PLAAT1: variants seen among roughly 807,000 people sequenced by gnomAD.
PLAAT1 encodes H-REV107 protein-related protein.
A neutral mutation model predicts 16.4 loss-of-function variants in PLAAT1; 13 were observed. That is an observed-to-expected ratio of 0.79 (90% CI 0.52 to 1.26). The LOEUF (loss-of-function observed/expected upper bound fraction) is 1.26. Among genes scored for constraint, PLAAT1 ranks in the 50% most tolerant of loss-of-function variants. The pLI is 0.00. For missense variants in PLAAT1, 218 were observed against 207.8 expected (o/e 1.05, Z -0.30); for synonymous variants, 73 against 78.4 (o/e 0.93, Z 0.36).
At position 193,241,500 on chromosome 3, in the gene PLAAT1, C is replaced by T. The variant is rs188693944; in HGVS notation, c.-34C>T. On this transcript the variant is annotated 5_prime_UTR_variant, in exon 1 of 4. Transcript: ENST00000264735. ...CCCCAGGACACACACAGCTGCCTCC[C>T]GGTGCGAGAAGAAGACCCCGGCTTG... 4 of 1,231,910 alleles carry T rather than the reference C, an allele frequency of 3.2e-6. No homozygotes were observed. The East Asian group carries it at 9.5e-5, about 29-fold the overall frequency. 76.3% of individuals were successfully genotyped at this position (1,231,910 alleles called of 1,614,324 possible).
At chr3:193,274,750 C>T, downstream of PLAAT1, 1 of 406,704 alleles carries the variant, frequency 2.5e-6, no homozygotes, top group Non-Finnish European at 4.3e-6. Flanking sequence ...ACTAATTTGA[C>T]TACAGTACCA....
At position 193,263,202 on chromosome 3, in the gene PLAAT1, AT is replaced by A. The variant is rs1475274183; in HGVS notation, c.374del (p.Leu125CysfsTer16). ...LVNNCEHFVT[L>X]LRYGEGVSEQ... ...TCAACAACTGTGAACATTTTGTGAC[AT>A]TGCTTCGCTATGGAGAAGGAGTTTC... On this transcript the variant is annotated frameshift_variant, in exon 3 of 4. Coordinates refer to ENST00000264735, the MANE Select transcript of PLAAT1 (RefSeq NM_020386.5). LOFTEE classifies it high-confidence loss of function. The A allele has an allele frequency of 6.2e-7, 1 of 1,614,072 alleles. No homozygotes were observed. The highest frequency in any genetic ancestry group is 1.3e-5 in the African/African-American group (1 of 74,950).
chr3:193,278,853 A>C (rs1717347777), downstream of PLAAT1, among the ~76,000 whole-genome samples: 1 of 152,170 alleles, frequency 6.6e-6, no homozygotes, highest in African/African-American at 2.4e-5. Context: ...TTTCTCTCAC[A>C]ATACGGGGTC....
downstream of PLAAT1, among the ~76,000 whole-genome samples, chr3:193,280,504 A>C (rs952011933): frequency 6.6e-6 from 1 of 152,230 alleles, no homozygotes; most frequent in African/African-American, 2.4e-5. Context: ...AAGTGGCTTT[A>C]TCTCTGGTTC....
downstream of PLAAT1, chr3:193,274,898 T>C: frequency 1.6e-6 from 2 of 1,216,602 alleles, no homozygotes; most frequent in South Asian, 2.9e-5. Flanking sequence ...GGTCCCTTGC[T>C]GCAAGGTTTA....
chr3:193,281,073 G>A (rs1004126356), downstream of PLAAT1: 6 of 420,794 alleles, frequency 1.4e-5, no homozygotes, highest in African/African-American at 1.3e-4. Flanking sequence ...AAGTGCTTGG[G>A]AAGGGTATGA....
At chr3:193,277,811 A>C (rs1051027860), downstream of PLAAT1, 2 of 152,120 alleles carry the variant, frequency 1.3e-5, no homozygotes, top group African/African-American at 4.8e-5. Flanking sequence ...CCTGGAAGTC[A>C]CTTGATTTTG....
chr3:193,242,112 T>A (rs1269462210), intron 1 of PLAAT1, among the ~76,000 whole-genome samples: 1 of 151,596 alleles, frequency 6.6e-6, no homozygotes, highest in African/African-American at 2.4e-5. Context: ...TGAGAGGTTT[T>A]TTTTTTGCGC....
intron 2 of PLAAT1, among the ~76,000 whole-genome samples, chr3:193,259,104 C>T (rs1485468612): frequency 6.6e-6 from 1 of 152,106 alleles, no homozygotes; most frequent in Non-Finnish European, 1.5e-5. Context: ...ATACACAAAT[C>T]CATAAATATG....
chr3:193,265,305 T>C (rs971820315), intron 3 of PLAAT1, among the ~76,000 whole-genome samples: 1 of 152,154 alleles, frequency 6.6e-6, no homozygotes, highest in Admixed American at 6.5e-5. Context: ...CTTTCAATAA[T>C]AAAAAGAAAT....
chr3:193,261,692 T>C (rs2108796158), intron 2 of PLAAT1, among the ~76,000 whole-genome samples: 1 of 152,340 alleles, frequency 6.6e-6, no homozygotes, highest in Non-Finnish European at 1.5e-5. Context: ...TTTCTTATTA[T>C]CATGCCTTAA....
chr3:193,240,654 C>CGTGAGTGTGTGT (rs1553803500), upstream of PLAAT1, among the ~76,000 whole-genome samples: 1 of 88,502 alleles, frequency 1.1e-5, no homozygotes, highest in Non-Finnish European at 2.2e-5. Context: ...GGCTATCTGG[C>CGTGAGTGTGTGT]GTGTGTGTGT....
At chr3:193,261,069 T>C (rs964278457) in intron 2 of PLAAT1, among the ~76,000 whole-genome samples, 1 of 152,190 alleles carries the variant, frequency 6.6e-6, no homozygotes, top group Non-Finnish European at 1.5e-5. Context: ...ATTAATTTAT[T>C]AACAAAAAGT....
In PLAAT1 at chr3:193,270,642, T is replaced by A. The variant is rs1384723638; in HGVS notation, c.444T>A (p.Ala148=). The A allele has an allele frequency of 6.2e-7, 1 of 1,613,586 alleles. No individual in the cohort carries two copies. Among genetic ancestry groups the A allele is most frequent in the Non-Finnish European group, 8.5e-7 (1 of 1,179,680 alleles). ...TAAGTACCGTTGAGTTTGTGACAGC[T>A]GCTGTTGGTGTCTTCTCATTCCTGG... ...RAISTVEFVT[A]AVGVFSFLGL... is the part of the protein sequence containing the mutation. Residue 148 remains alanine (A), a synonymous_variant, in exon 4 of 4, where the codon GCT becomes GCA. Coordinates refer to ENST00000264735, the MANE Select transcript of PLAAT1 (RefSeq NM_020386.5).
At chr3:193,258,494 T>C (rs1716461397) in intron 2 of PLAAT1, among the ~76,000 whole-genome samples, 1 of 123,362 alleles carries the variant, frequency 8.1e-6, no homozygotes, top group South Asian at 2.6e-4. Flanking sequence ...GGATAAATGA[T>C]TGATAGATTG....
intron 2 of PLAAT1, among the ~76,000 whole-genome samples, chr3:193,257,060 G>A (rs1456201773): frequency 1.3e-5 from 2 of 152,058 alleles, no homozygotes; most frequent in Non-Finnish European, 2.9e-5. Flanking sequence ...TTTTCTATGT[G>A]CTGTCTTCAT....
intron 2 of PLAAT1, among the ~76,000 whole-genome samples, chr3:193,256,530 C>T (rs1053892781): frequency 1.3e-5 from 2 of 152,104 alleles, no homozygotes; most frequent in East Asian, 3.8e-4. Context: ...AAAGCAAAAG[C>T]TAATACACCT....
At chr3:193,268,837 A>C (rs570033044) in intron 3 of PLAAT1, among the ~76,000 whole-genome samples, 5 of 152,262 alleles carry the variant, frequency 3.3e-5, no homozygotes, top group Non-Finnish European at 7.4e-5. Context: ...TTGTGTTTCT[A>C]GTGGCTGAAA....
chr3:193,280,791 A>G (rs1449233549), downstream of PLAAT1, among the ~76,000 whole-genome samples: 1 of 152,198 alleles, frequency 6.6e-6, no homozygotes, highest in Non-Finnish European at 1.5e-5. Flanking sequence ...CATGATACAA[A>G]TGATTCTGAC....
Sources: gnomAD v4.1 joint callset for allele counts (sites outside exome capture counted in the v4.1 genomes callset) on GRCh38, gnomAD v4.1.1 for gene constraint, MANE v1.5 for transcripts, NCBI Gene and HGNC (gene_info 2026-07-23, HGNC 2026-07-21) for gene names.